The following CLNS1A variants were observed in gnomAD, a reference collection of about 807,000 sequenced individuals.
The protein encoded by CLNS1A is methylosome subunit pICln.
Under a neutral mutation model 29.4 loss-of-function variants are expected in CLNS1A, and 16 were observed. The observed-to-expected ratio is 0.54, with a 90% CI of 0.37 to 0.83. The LOEUF (loss-of-function observed/expected upper bound fraction) is 0.83, where lower values mean the gene tolerates loss of function less well. CLNS1A is among the 40% of genes least tolerant of loss of function. The pLI is 0.00. For synonymous variants in CLNS1A, 96 were observed against 104.8 expected (o/e 0.92, Z 0.51); for missense variants, 235 against 287.4 (o/e 0.82, Z 1.32).
At chr11:77,634,648 C>T (rs999878340) in intron 1 of CLNS1A, among the ~76,000 whole-genome samples, 3 of 147,820 alleles carry the variant, frequency 2.0e-5, no homozygotes, top group African/African-American at 7.5e-5. Context: ...CGCTTAAACC[C>T]GGGAGGCGGA....
intron 1 of CLNS1A, among the ~76,000 whole-genome samples, chr11:77,636,458 T>C (rs1590806395): frequency 6.6e-6 from 1 of 152,168 alleles, no homozygotes; most frequent in African/African-American, 2.4e-5. Flanking sequence ...CTCCCATCCA[T>C]ATGTCCTATC....
chr11:77,617,295 G>A lies in CLNS1A; in HGVS notation c.*23-600C>T, dbSNP rs148980057. ...AGGCAGGAGAATCACTTGAACCCGG[G>A]GGGGCGGAGGATTCGGTGAGCCGAT... is the stretch of plus-strand genomic sequence containing the variant. On this transcript the variant is annotated intron_variant, in intron 6 of 6. Transcript: ENST00000525428. 4.0e-4 allele frequency among the ~76,000 whole-genome samples: 61 copies of A among 151,636 alleles called. No individual in the cohort carries two copies. In the East Asian group the frequency reaches 0.012, roughly 29 times the overall value.
At chr11:77,637,243 T>TAAAAAAAAAAAAAAAAAAAAAAAAAAA (rs747109219) in intron 1 of CLNS1A, among the ~76,000 whole-genome samples, 3 of 43,146 alleles carry the variant, frequency 7.0e-5, no homozygotes, top group Admixed American at 3.3e-4. Context: ...ATAGGCGAGT[T>TAAAAAAAAAAAAAAAAAAAAAAAAAAA]AAAAAAAAAA....
intron 1 of CLNS1A, 81 bp downstream of exon 1, chr11:77,637,509 G>A: frequency 2.0e-6 from 3 of 1,480,862 alleles, no homozygotes; most frequent in Non-Finnish European, 2.7e-6. Flanking sequence ...GCCGCCCCTT[G>A]CCCGGCTCCT....
chr11:77,624,807 G>T (rs767280872), intron 4 of CLNS1A, among the ~76,000 whole-genome samples, 156 bp downstream of exon 4: 1 of 151,208 alleles, frequency 6.6e-6, no homozygotes, highest in Non-Finnish European at 1.5e-5. Context: ...CAACAAAAGC[G>T]AAAACTCCAT....
At chr11:77,619,464 T>C in intron 6 of CLNS1A, 142 bp downstream of exon 6, 2 of 629,322 alleles carry the variant, frequency 3.2e-6, no homozygotes, top group Non-Finnish European at 5.7e-6. Flanking sequence ...TTCAAGGCTG[T>C]AGTGAGCTAG....
chr11:77,623,029 A>C (rs1313320688), intron 4 of CLNS1A, among the ~76,000 whole-genome samples: 1 of 151,868 alleles, frequency 6.6e-6, no homozygotes, highest in Admixed American at 6.6e-5. Context: ...TTGAACATTT[A>C]TTTATACACA....
intron 1 of CLNS1A, among the ~76,000 whole-genome samples, chr11:77,635,520 T>C (rs1267626323): frequency 6.6e-6 from 1 of 151,852 alleles, no homozygotes; most frequent in Non-Finnish European, 1.5e-5. Context: ...CCCGGATAAT[T>C]TTTGTATTTT....
At chr11:77,633,468 C>T (rs1197732219) in intron 1 of CLNS1A, among the ~76,000 whole-genome samples, 1 of 152,052 alleles carries the variant, frequency 6.6e-6, no homozygotes, top group Non-Finnish European at 1.5e-5. Flanking sequence ...TAATCATACC[C>T]AGTTCCAAAG....
At chr11:77,632,654 C>T (rs1031524966) in intron 1 of CLNS1A, among the ~76,000 whole-genome samples, 6 of 151,766 alleles carry the variant, frequency 4.0e-5, no homozygotes, top group Non-Finnish European at 8.8e-5. Context: ...AAAAGAAACC[C>T]TAGGTTTCTG....
In CLNS1A at chr11:77,637,747, G is replaced by C. The variant is rs1374136713; in HGVS notation, c.-33C>G. On this transcript the variant is annotated 5_prime_UTR_variant, in exon 1 of 7. Transcript: ENST00000525428. ...GAGTGCGGCAACACAGGCCCTGAGG[G>C]AGTTGGAGCACAGCAATGCGTGCAC... The C allele has an allele frequency of 3.2e-6, 5 of 1,545,158 alleles. No individual in the cohort carries two copies. Among genetic ancestry groups the C allele is most frequent in the Admixed American group, 4.0e-5 (2 of 50,192 alleles).
intron 1 of CLNS1A, among the ~76,000 whole-genome samples, chr11:77,631,075 A>C (rs539058439): frequency 6.6e-6 from 1 of 152,296 alleles, no homozygotes; most frequent in South Asian, 2.1e-4. Context: ...AACCAAGCAA[A>C]AACAAAAGTA....
chr11:77,637,340 A>G (rs1324884386), intron 1 of CLNS1A, among the ~76,000 whole-genome samples: 1 of 30,256 alleles, frequency 3.3e-5, no homozygotes, highest in African/African-American at 5.6e-4. Flanking sequence ...GAAAAAAAGA[A>G]AAAAAAAAAA....
intron 1 of CLNS1A, among the ~76,000 whole-genome samples, chr11:77,637,256 A>G (rs570155119): frequency 6.9e-6 from 1 of 144,474 alleles, no homozygotes; most frequent in South Asian, 2.1e-4. Flanking sequence ...AAAAAAAAAA[A>G]AAAGAAAATA....
intron 1 of CLNS1A, 25 bp downstream of exon 1, chr11:77,637,565 C>A: frequency 6.3e-7 from 1 of 1,587,196 alleles, no homozygotes; most frequent in South Asian, 1.1e-5. Flanking sequence ...CGCAGGAGGC[C>A]AGCGCTGGGG....
In CLNS1A at chr11:77,616,156, T is replaced by C. The variant is rs754406047; in HGVS notation, c.*562A>G. On this transcript the variant is annotated 3_prime_UTR_variant, in exon 7 of 7. Coordinates refer to ENST00000525428, the MANE Select transcript of CLNS1A (RefSeq NM_001293.3). ...AGTCAAGAATGAGAGCAAAGTAATA[T>C]AGAAAACCTAGGTTTATTTGTTAAG... is the stretch of plus-strand genomic sequence containing the variant. The C allele has an allele frequency of 3.9e-5, 6 of 152,198 alleles. No individual in the cohort carries two copies. In the South Asian group the frequency reaches 8.3e-4, roughly 21 times the overall value. 9.4% of individuals were successfully genotyped at this position (152,198 alleles called of 1,614,324 possible).
intron 5 of CLNS1A, chr11:77,622,006 C>G (rs1403231593): frequency 2.2e-6 from 1 of 456,142 alleles, no homozygotes; most frequent in Non-Finnish European, 4.4e-6. Flanking sequence ...GGGCCAATTT[C>G]TTAAAATCTC....
At chr11:77,625,964 A>C (rs7131169) in intron 2 of CLNS1A, 146 bp from the exon 3 acceptor site, 105,648 of 792,308 alleles carry the variant, frequency 0.13, 8,912 homozygotes, top group African/African-American at 0.31. Context: ...TTCTGATTAT[A>C]CAGTGAGCAT....
intron 6 of CLNS1A, chr11:77,618,493 T>A (rs1266032769): frequency 6.6e-6 from 1 of 152,194 alleles, no homozygotes; most frequent in South Asian, 2.1e-4. Context: ...AATGTGGAAA[T>A]TAAAATTAAG....
Sources: gnomAD v4.1 joint callset for allele counts (sites outside exome capture counted in the v4.1 genomes callset) on GRCh38, gnomAD v4.1.1 for gene constraint, MANE v1.5 for transcripts, NCBI Gene and HGNC (gene_info 2026-07-23, HGNC 2026-07-21) for gene names.